The following PDGFRA variants were observed in gnomAD, a reference collection of about 807,000 sequenced individuals.
PDGFRA encodes the protein platelet derived growth factor receptor alpha.
A neutral mutation model predicts 121.5 loss-of-function variants in PDGFRA; 25 were observed. That is an observed-to-expected ratio of 0.21 (90% confidence interval 0.15 to 0.29). The LOEUF (loss-of-function observed/expected upper bound fraction) is 0.29. Among genes scored for constraint, PDGFRA ranks in the 10% least tolerant of loss-of-function variants. The pLI, the probability that PDGFRA is intolerant of heterozygous loss-of-function variation, is 1.00. For synonymous variants in PDGFRA, 463 were observed against 494.8 expected, an observed-to-expected ratio of 0.94 and a Z score of 0.85; for missense variants, 1,008 against 1,345.1, an observed-to-expected ratio of 0.75 and a Z score of 3.92.
rs146137971 is a variant in PDGFRA, at chr4:54,268,627, C to T, written c.1121+886C>T. 1.1e-4 allele frequency among the ~76,000 whole-genome samples: 16 copies of T among 152,198 alleles called. No individual in the cohort carries two copies. In the South Asian group the frequency reaches 1.2e-3, roughly 12 times the overall value. On this transcript the variant is annotated intron_variant, in intron 7 of 22. Transcript: ENST00000257290. ...TTTCTTCTTTGTGAACTAAATTCCA[C>T]GTGTAATTGAGAAGCAATGTCTGAG...
At chr4:54,286,110 C>A (rs1724349956) in intron 18 of PDGFRA, 147 bp downstream of exon 18, 2 of 833,018 alleles carry the variant, frequency 2.4e-6, no homozygotes, top group Non-Finnish European at 4.0e-6. Flanking sequence ...CAGCAGATTG[C>A]CCAGGTTTGA....
Position 54,296,460 on chromosome 4 carries a change from G to A in PDGFRA, c.*1188G>A, listed in dbSNP as rs1220690937. 6 of 223,068 alleles carry A rather than the reference G, an allele frequency of 2.7e-5. No homozygotes were observed. Among genetic ancestry groups the A allele is most frequent in the Non-Finnish European group, 5.3e-5 (6 of 112,174 alleles). 13.8% of individuals were successfully genotyped at this position (223,068 alleles called of 1,614,324 possible). ...CTATGAACCTGAAAAGGGTCAGAAGGATGCCCAGACATCAGCCTCCTTCTT... is the reference window on the plus strand; with the variant it reads ...CTATGAACCTGAAAAGGGTCAGAAGAATGCCCAGACATCAGCCTCCTTCTT... On this transcript the variant is annotated 3_prime_UTR_variant, in exon 23 of 23. Coordinates refer to ENST00000257290, the MANE Select transcript of PDGFRA (RefSeq NM_006206.6).
intron 1 of PDGFRA, among the ~76,000 whole-genome samples, chr4:54,250,134 G>A (rs1480787859): frequency 6.6e-6 from 1 of 152,068 alleles, no homozygotes; most frequent in Non-Finnish European, 1.5e-5. Context: ...TAAACTATAG[G>A]AAAAATAAGG....
chr4:54,280,293 G>T, intron 15 of PDGFRA, 23 bp from the exon 16 acceptor site: 1 of 1,609,810 alleles, frequency 6.2e-7, no homozygotes, highest in Non-Finnish European at 8.5e-7. Flanking sequence ...CCCTGGGTAA[G>T]ATTTCTCTTT....
chr4:54,266,249 A>G (rs1414633121), intron 5 of PDGFRA, among the ~76,000 whole-genome samples: 11 of 152,300 alleles, frequency 7.2e-5, no homozygotes, highest in Middle Eastern at 3.4e-3. Context: ...TTCATACAGT[A>G]TGTTTTTTCC....
chr4:54,270,894 T>G (rs2110280981), intron 8 of PDGFRA, 146 bp downstream of exon 8: 1 of 679,094 alleles, frequency 1.5e-6, no homozygotes, highest in Non-Finnish European at 2.7e-6. Context: ...CGGGAATACC[T>G]CTGCTGGACT....
At chr4:54,260,470 G>A (rs552549985) in intron 2 of PDGFRA, among the ~76,000 whole-genome samples, 59 of 144,980 alleles carry the variant, frequency 4.1e-4, no homozygotes, top group Non-Finnish European at 6.1e-4. Context: ...GAGTGCAGAG[G>A]CTGACTGCAA....
At chr4:54,250,300 T>C (rs1721980334) in intron 1 of PDGFRA, among the ~76,000 whole-genome samples, 1 of 152,232 alleles carries the variant, frequency 6.6e-6, no homozygotes, top group African/African-American at 2.4e-5. Flanking sequence ...TGTTTAAACC[T>C]TTTGTATTTG....
At chr4:54,257,548 A>G (rs1174483706) in intron 1 of PDGFRA, among the ~76,000 whole-genome samples, 3 of 152,098 alleles carry the variant, frequency 2.0e-5, no homozygotes, top group African/African-American at 7.2e-5. Flanking sequence ...GCCAAGACTA[A>G]CATGGTGATT....
At chr4:54,287,383 C>A in intron 18 of PDGFRA, 47 bp from the exon 19 acceptor site, 1 of 806,812 alleles carries the variant, frequency 1.2e-6, no homozygotes, top group South Asian at 1.3e-5. Context: ...TGCTGTGGAT[C>A]ATCAGTGAGT....
chr4:54,290,397 A>G lies in PDGFRA; in HGVS notation c.2965A>G (p.Ile989Val), dbSNP rs145019788. ...GCGTGTGGACTCAGACAATGCATAC[A>G]TTGGTGTCACCTACAAAAACGAGGA... The part of the protein sequence containing the change: ...RMRVDSDNAY[I>V]GVTYKNEEDK... The change falls in exon 22 of 23, where the codon ATT (isoleucine) becomes GTT (valine). Residue 989 changes from isoleucine to valine, a missense_variant. This residue lies in a region of PDGFRA where 204 missense variants were observed against 243.0 expected (regional missense o/e 0.84). Coordinates refer to ENST00000257290, the MANE Select transcript of PDGFRA (RefSeq NM_006206.6). The G allele has an allele frequency of 2.5e-5, 41 of 1,613,656 alleles. No individual in the cohort carries two copies. In the African/African-American group the frequency reaches 3.1e-4, roughly 12 times the overall value.
At chr4:54,235,027 C>T (rs1720934718) in intron 1 of PDGFRA, among the ~76,000 whole-genome samples, 1 of 152,196 alleles carries the variant, frequency 6.6e-6, no homozygotes, top group African/African-American at 2.4e-5. Context: ...TGGTAGGGTG[C>T]AGAGGTCCTG....
Position 54,273,601 on chromosome 4 carries a change from C to T in PDGFRA, c.1429C>T (p.His477Tyr), listed in dbSNP as rs1553904188. Residue 477 changes from histidine to tyrosine, a missense_variant, in exon 10 of 23, where the codon CAC becomes TAC. Around this residue, in one of 5 missense-constraint regions of PDGFRA, gnomAD observed 575 missense variants for 701.8 expected, o/e 0.82. Transcript: ENST00000257290. ...NNVSNIITEI[H>Y]SRDRSTVEGR... is the part of the protein sequence containing the mutation. The stretch of plus-strand genomic sequence containing the variant: ...TGTCTCAAACATCATCACGGAGATC[C>T]ACTCCCGAGACAGGAGTACCGTGGA... The T allele has an allele frequency of 6.2e-7, 1 of 1,613,968 alleles. No homozygotes were observed. Among genetic ancestry groups the T allele is most frequent in the African/African-American group, 1.3e-5 (1 of 75,004 alleles).
chr4:54,291,781 T>C (rs1186232967), intron 22 of PDGFRA, among the ~76,000 whole-genome samples: 2 of 152,220 alleles, frequency 1.3e-5, no homozygotes, highest in Non-Finnish European at 2.9e-5. Context: ...TTACTGGGTA[T>C]ATAACCAAAG....
At chr4:54,261,870 A>G (rs1157617198) in intron 3 of PDGFRA, among the ~76,000 whole-genome samples, 1 of 143,834 alleles carries the variant, frequency 7.0e-6, no homozygotes, top group Admixed American at 7.1e-5. Context: ...AGTTGGAAGG[A>G]ATTTTCTTTT....
intron 1 of PDGFRA, among the ~76,000 whole-genome samples, chr4:54,244,009 G>A (rs1240779940): frequency 6.6e-6 from 1 of 152,244 alleles, no homozygotes; most frequent in Admixed American, 6.5e-5. Flanking sequence ...AGCGAGGCTG[G>A]GGGAGGGGTG....
intron 7 of PDGFRA, 44 bp from the exon 8 acceptor site, chr4:54,270,589 T>C (rs771449474): frequency 2.0e-6 from 2 of 998,618 alleles, no homozygotes; most frequent in South Asian, 2.5e-5. Flanking sequence ...CAATTGGAAC[T>C]TACTTAGCTA....
chr4:54,253,526 G>C (rs1262359675), intron 1 of PDGFRA, among the ~76,000 whole-genome samples: 1 of 152,148 alleles, frequency 6.6e-6, no homozygotes, highest in Non-Finnish European at 1.5e-5. Flanking sequence ...TTCTCAGTTT[G>C]TTTCTCTAAG....
chr4:54,242,206 G>T (rs1215665624), intron 1 of PDGFRA, among the ~76,000 whole-genome samples: 1 of 151,932 alleles, frequency 6.6e-6, no homozygotes. Flanking sequence ...TGGGACTTTT[G>T]TCATTTATTT....
Sources: gnomAD v4.1 joint callset for allele counts (sites outside exome capture counted in the v4.1 genomes callset) on GRCh38, gnomAD v4.1.1 for gene constraint, gnomAD v4.1.1 regional missense constraint, MANE v1.5 for transcripts, NCBI Gene and HGNC (gene_info 2026-07-23, HGNC 2026-07-21) for gene names.